CHODL: variants seen among roughly 807,000 people sequenced by gnomAD.
CHODL encodes transmembrane protein MT75.
CHODL carries 29 observed loss-of-function variants against 34.5 expected under a neutral mutation model. The observed-to-expected ratio is 0.84, with a 90% CI of 0.63 to 1.15. CHODL has a LOEUF of 1.15. Ranked by LOEUF, CHODL falls within the 50% of genes most tolerant of loss-of-function variation. The probability of loss-of-function intolerance (pLI) is 0.00; values close to 1 mark genes in which losing one functional copy is unlikely to be tolerated. For missense variants in CHODL, 332 were observed against 332.5 expected, an observed-to-expected ratio of 1.00 and a Z score of 0.01; for synonymous variants, 125 against 116.1, an observed-to-expected ratio of 1.08 and a Z score of -0.49.
rs373974526 is a variant in CHODL at position 17,939,765 on chromosome 21, C to T, written c.-145+22365C>T. 4.6e-5 allele frequency among the ~76,000 whole-genome samples: 7 copies of T among 152,290 alleles called. No individual in the cohort carries two copies. In the South Asian group the frequency reaches 1.2e-3, roughly 27 times the overall value. ...GTTGCTTTGGATCTTCCTTCAGAAT[C>T]TTTCCCTTTCTTTACCCTATGAGCT... On this transcript the variant is annotated intron_variant, in intron 1 of 6. Coordinates refer to the CHODL transcript ENST00000400127.
chr21:17,962,888 C>A (rs921114003), intron 1 of CHODL, among the ~76,000 whole-genome samples: 1 of 151,710 alleles, frequency 6.6e-6, no homozygotes, highest in Non-Finnish European at 1.5e-5. Context: ...ACGGTGAAAA[C>A]CTGTCTCTAC....
chr21:18,121,487 C>A (rs1192218357), intron 2 of CHODL, among the ~76,000 whole-genome samples: 2 of 152,166 alleles, frequency 1.3e-5, no homozygotes, highest in Admixed American at 1.3e-4. Flanking sequence ...ATCAAAGAGG[C>A]ATCTCAAACT....
chr21:18,029,962 G>T (rs1327412301), intron 2 of CHODL, among the ~76,000 whole-genome samples: 3 of 152,132 alleles, frequency 2.0e-5, no homozygotes, highest in African/African-American at 7.2e-5. Flanking sequence ...TGGATCCTGG[G>T]GCTTTCTGAG....
intron 2 of CHODL, among the ~76,000 whole-genome samples, chr21:18,158,806 C>A (rs1364975655): frequency 6.8e-6 from 1 of 147,170 alleles, no homozygotes; most frequent in Non-Finnish European, 1.5e-5. Context: ...CCATTGTACT[C>A]CAGCCTGGGC....
chr21:18,166,232 A>G (rs1423766709), intron 2 of CHODL, among the ~76,000 whole-genome samples: 1 of 152,186 alleles, frequency 6.6e-6, no homozygotes, highest in African/African-American at 2.4e-5. Flanking sequence ...TCCTTGCCAC[A>G]TGTGCCCCAC....
In CHODL at chr21:18,185,618, A is replaced by T. The variant is rs371485517; in HGVS notation, c.-44-70891A>T. Reference sequence around the variant, plus strand: ...GGCTCCTTCAGTTGCACAGTACAAGATCAAAACTCAAACTTGTTTAGGCAC... The same window carrying T: ...GGCTCCTTCAGTTGCACAGTACAAGTTCAAAACTCAAACTTGTTTAGGCAC... On this transcript the variant is annotated intron_variant, in intron 2 of 6. Coordinates refer to the CHODL transcript ENST00000400127. Among the ~76,000 whole-genome samples the T allele has an allele frequency of 3.3e-5, 5 of 152,318 alleles. No individual in the cohort carries two copies. The South Asian group carries it at 6.2e-4, about 19-fold the overall frequency.
chr21:17,965,474 CTTATTA>C lies in CHODL; in HGVS notation c.-145+48080_-145+48085del, dbSNP rs372217898. 2.5e-3 allele frequency among the ~76,000 whole-genome samples: 380 copies of C among 152,126 alleles called. 4 individuals are homozygous for C. Among genetic ancestry groups the C allele is most frequent in the African/African-American group, 8.9e-3 (370 of 41,492 alleles). ...CCTCCTCCTCTTCCTCTTCCTCCTT[CTTATTA>C]TTATTGTTTTAATTTTTATTGATGG... On this transcript the variant is annotated intron_variant, in intron 1 of 6. Coordinates refer to the CHODL transcript ENST00000400127.
chr21:18,245,828 T>G, intron 1 of CHODL: 1 of 1,231,310 alleles, frequency 8.1e-7, no homozygotes, highest in Non-Finnish European at 1.1e-6. Flanking sequence ...GCAGGACTAC[T>G]GGCAAGGAAC....
At chr21:18,098,009 A>T (rs1253673832) in intron 2 of CHODL, among the ~76,000 whole-genome samples, 1 of 152,128 alleles carries the variant, frequency 6.6e-6, no homozygotes, top group Non-Finnish European at 1.5e-5. Context: ...AAAACTGGCT[A>T]TGCAAAAAAT....
intron 2 of CHODL, among the ~76,000 whole-genome samples, chr21:18,077,111 G>A (rs1473422370): frequency 6.6e-6 from 1 of 152,178 alleles, no homozygotes; most frequent in Non-Finnish European, 1.5e-5. Flanking sequence ...TGCATGGAGG[G>A]TAGAGCATTA....
At chr21:17,965,696 A>G (rs568668247) in intron 1 of CHODL, among the ~76,000 whole-genome samples, 2 of 152,266 alleles carry the variant, frequency 1.3e-5, no homozygotes, top group South Asian at 4.1e-4. Flanking sequence ...TCCACATTTC[A>G]TTCACCATGG....
chr21:18,060,257 C>T (rs539774020), intron 2 of CHODL, among the ~76,000 whole-genome samples: 40 of 152,064 alleles, frequency 2.6e-4, no homozygotes, highest in Middle Eastern at 3.4e-3. Flanking sequence ...GAGTTTGAGA[C>T]CAGCCTGGGC....
chr21:18,096,872 G>A (rs571164623), intron 2 of CHODL, among the ~76,000 whole-genome samples: 3 of 152,072 alleles, frequency 2.0e-5, no homozygotes, highest in Non-Finnish European at 4.4e-5. Flanking sequence ...TGGTTTTGCA[G>A]CTCCAGGTGG....
chr21:18,252,686 A>G (rs2074272249), intron 1 of CHODL, among the ~76,000 whole-genome samples: 1 of 152,180 alleles, frequency 6.6e-6, no homozygotes, highest in Non-Finnish European at 1.5e-5. Flanking sequence ...ATTGTGCAAT[A>G]TATTTATAAT....
chr21:18,183,888 A>G (rs2073410632), intron 2 of CHODL, among the ~76,000 whole-genome samples: 1 of 152,208 alleles, frequency 6.6e-6, no homozygotes, highest in Non-Finnish European at 1.5e-5. Context: ...TTCTTTTGCA[A>G]CAGCGAAGTT....
At chr21:18,221,067 A>G (rs2073878658) in intron 2 of CHODL, among the ~76,000 whole-genome samples, 1 of 152,138 alleles carries the variant, frequency 6.6e-6, no homozygotes, top group Admixed American at 6.6e-5. Flanking sequence ...TGTGTCACAT[A>G]GGTTTTCTTC....
At position 18,207,528 on chromosome 21, in the gene CHODL, C is replaced by T. The variant is rs117301866; in HGVS notation, c.-44-48981C>T. Among the ~76,000 whole-genome samples the T allele has an allele frequency of 4.4e-3, 674 of 152,052 alleles. 3 individuals carry two copies. The highest frequency in any genetic ancestry group is 7.1e-3 in the Non-Finnish European group (486 of 67,986). On this transcript the variant is annotated intron_variant, in intron 2 of 6. Coordinates refer to the CHODL transcript ENST00000400127. ...CAGTGCTATAATATTCTGTGTTTTCCTGTGTACTTACTGGTGAGTTTGATA... is the reference window on the plus strand; with the variant it reads ...CAGTGCTATAATATTCTGTGTTTTCTTGTGTACTTACTGGTGAGTTTGATA...
intron 2 of CHODL, among the ~76,000 whole-genome samples, chr21:18,196,508 T>G (rs1472073605): frequency 6.6e-6 from 1 of 152,184 alleles, no homozygotes; most frequent in African/African-American, 2.4e-5. Context: ...GCAGTTCAAC[T>G]GACAGAAACA....
At chr21:18,174,960 T>C (rs745624430) in intron 2 of CHODL, among the ~76,000 whole-genome samples, 1 of 152,248 alleles carries the variant, frequency 6.6e-6, no homozygotes, top group Non-Finnish European at 1.5e-5. Context: ...CTTTCAGCTA[T>C]GTTTCTTTTA....
Sources: allele counts gnomAD v4.1 joint callset (sites outside exome capture counted in the v4.1 genomes callset), GRCh38; gene constraint gnomAD v4.1.1; transcripts MANE v1.5; gene names NCBI Gene and HGNC (gene_info 2026-07-23, HGNC 2026-07-21).